PEBP4: variants seen among roughly 807,000 people sequenced by gnomAD.
PEBP4 encodes the protein phosphatidylethanolamine-binding protein 4.
A neutral mutation model predicts 23.9 loss-of-function variants in PEBP4; 22 were observed. The ratio of observed to expected loss-of-function variants is 0.92; its 90% confidence interval spans 0.66 to 1.31. PEBP4 has a LOEUF of 1.31. Among genes scored for constraint, PEBP4 ranks in the 40% most tolerant of loss-of-function variants. The probability of loss-of-function intolerance (pLI) is 0.00; values close to 1 mark genes in which losing one functional copy is unlikely to be tolerated. For synonymous variants in PEBP4, 112 were observed against 99.3 expected (o/e 1.13, Z -0.76); for missense variants, 324 against 281.7 (o/e 1.15, Z -1.07).
intron 4 of PEBP4, among the ~76,000 whole-genome samples, chr8:22,792,021 T>G (rs1806150217): frequency 7.1e-6 from 1 of 140,514 alleles, no homozygotes; most frequent in Non-Finnish European, 1.6e-5. Flanking sequence ...CACGCCTGGC[T>G]AAGAACTTTT....
intron 3 of PEBP4, among the ~76,000 whole-genome samples, chr8:22,919,644 C>T (rs1425207035): frequency 6.6e-6 from 1 of 152,200 alleles, no homozygotes; most frequent in Non-Finnish European, 1.5e-5. Flanking sequence ...TTTTACACAA[C>T]TTTGGGCAAA....
chr8:22,927,986 T>C, upstream of PEBP4: 1 of 420,734 alleles, frequency 2.4e-6, no homozygotes, highest in Admixed American at 4.2e-5. Flanking sequence ...ACAGCTTTGT[T>C]GTCACTCTTG....
rs149853494 is a variant in PEBP4 at position 22,913,741 on chromosome 8, C to G, written c.258+6443G>C. 7.1e-3 allele frequency among the ~76,000 whole-genome samples: 1,079 copies of G among 152,328 alleles called. 17 individuals carry two copies. The highest frequency in any genetic ancestry group is 0.025 in the African/African-American group (1,019 of 41,566). On this transcript the variant is annotated intron_variant, in intron 3 of 6. Transcript: ENST00000256404. The stretch of plus-strand genomic sequence containing the variant: ...GTTTATCACCTTGGAATGAGCATTT[C>G]CAGTCGACCCCTCAACCCCTCCTTC...
At chr8:22,753,547 G>A (rs999050524) in intron 4 of PEBP4, among the ~76,000 whole-genome samples, 1 of 152,194 alleles carries the variant, frequency 6.6e-6, no homozygotes, top group African/African-American at 2.4e-5. Flanking sequence ...GTTTCATGTG[G>A]ACACATGATG....
chr8:22,772,491 C>CTTTTTTTT lies in PEBP4; in HGVS notation c.357+45145_357+45146insAAAAAAAA, dbSNP rs1171525883. 6.4e-3 allele frequency among the ~76,000 whole-genome samples: 597 copies of CTTTTTTTT among 93,266 alleles called. 4 individuals carry two copies. The highest frequency in any genetic ancestry group is 0.012 in the Non-Finnish European group (503 of 43,524). 61.2% of individuals were successfully genotyped at this position (93,266 alleles called of 152,430 possible). A position where few individuals can be genotyped will look rare whatever the true frequency, so the allele number is the denominator to read the frequency against. On this transcript the variant is annotated intron_variant, in intron 4 of 6. Coordinates refer to ENST00000256404, the MANE Select transcript of PEBP4 (RefSeq NM_144962.3). Reference sequence around the variant, plus strand: ...CAGGGCAGGTATTCTCTCTCTCTCTCTCTTTTTTTTTTTTTTTTTTTTGAG... The same window carrying CTTTTTTTT: ...CAGGGCAGGTATTCTCTCTCTCTCTCTTTTTTTTTCTTTTTTTTTTTTTTTTTTTTGAG...
At chr8:22,784,660 TG>T in intron 4 of PEBP4, among the ~76,000 whole-genome samples, 1 of 152,106 alleles carries the variant, frequency 6.6e-6, no homozygotes, top group Non-Finnish European at 1.5e-5. Flanking sequence ...GCCGCCCGGG[TG>T]TTTGTAACCA....
At chr8:22,716,767 T>C (rs1340196676) in intron 6 of PEBP4, among the ~76,000 whole-genome samples, 1 of 152,180 alleles carries the variant, frequency 6.6e-6, no homozygotes, top group Non-Finnish European at 1.5e-5. Flanking sequence ...TTGCAGGACT[T>C]GGTAGAATGG....
chr8:22,767,530 C>T (rs1805633761), intron 4 of PEBP4, among the ~76,000 whole-genome samples: 1 of 152,194 alleles, frequency 6.6e-6, no homozygotes, highest in African/African-American at 2.4e-5. Context: ...CGATAGAATA[C>T]TATGATTGCA....
chr8:22,755,790 G>T (rs1314484491), intron 4 of PEBP4: 1 of 152,026 alleles, frequency 6.6e-6, no homozygotes, highest in Non-Finnish European at 1.5e-5. Flanking sequence ...CCCTATCCTG[G>T]GCATCTGGGG....
intron 4 of PEBP4, among the ~76,000 whole-genome samples, chr8:22,785,368 C>A (rs543644811): frequency 1.3e-5 from 2 of 152,308 alleles, no homozygotes; most frequent in Admixed American, 1.3e-4. Flanking sequence ...GCCCAAGTGC[C>A]CCTCTGCATT....
Position 22,737,492 on chromosome 8 carries a change from C to A in PEBP4, c.358-10272G>T, listed in dbSNP as rs1563199312. On this transcript the variant is annotated intron_variant, in intron 4 of 6. Transcript: ENST00000256404. ...TTACGTGAGTTAGTTCACTCAGATC[C>A]CCGCCCTCCAGGAAATTCCCCGCTA... 2.6e-5 allele frequency among the ~76,000 whole-genome samples: 4 copies of A among 152,098 alleles called. No individual in the cohort carries two copies. In the South Asian group the frequency reaches 8.3e-4, roughly 32 times the overall value.
chr8:22,902,737 C>T (rs1039382108), intron 3 of PEBP4, among the ~76,000 whole-genome samples: 1 of 152,210 alleles, frequency 6.6e-6, no homozygotes, highest in Admixed American at 6.5e-5. Context: ...AAGTTTCCAA[C>T]ATGTCACAGA....
chr8:22,837,871 C>T (rs1415611873), intron 3 of PEBP4, among the ~76,000 whole-genome samples: 3 of 133,112 alleles, frequency 2.3e-5, no homozygotes, highest in Non-Finnish European at 4.9e-5. Flanking sequence ...TTTGGCCTCT[C>T]TTATTAGATT....
At chr8:22,772,493 C>CTTTTT (rs34489811) in intron 4 of PEBP4, among the ~76,000 whole-genome samples, 11 of 121,594 alleles carry the variant, frequency 9.0e-5, no homozygotes, top group Non-Finnish European at 1.0e-4. Flanking sequence ...CTCTCTCTCT[C>CTTTTT]TTTTTTTTTT....
At chr8:22,912,048 GT>G (rs1808949460) in intron 3 of PEBP4, among the ~76,000 whole-genome samples, 1 of 152,092 alleles carries the variant, frequency 6.6e-6, no homozygotes, top group Non-Finnish European at 1.5e-5. Context: ...GGGGGGCGCT[GT>G]TTGATTAAAA....
chr8:22,864,571 G>A (rs777408593), intron 3 of PEBP4, among the ~76,000 whole-genome samples: 46 of 152,186 alleles, frequency 3.0e-4, no homozygotes, highest in Non-Finnish European at 5.7e-4. Context: ...GAGAAAGCTT[G>A]GGGGAGGGGT....
upstream of PEBP4, among the ~76,000 whole-genome samples, chr8:22,932,596 A>C (rs929738061): frequency 1.3e-5 from 2 of 152,172 alleles, no homozygotes; most frequent in African/African-American, 4.8e-5. Context: ...TCTGGAAAAC[A>C]GCCAAAGGTT....
At chr8:22,746,201 T>C (rs1339097999) in intron 4 of PEBP4, among the ~76,000 whole-genome samples, 1 of 152,138 alleles carries the variant, frequency 6.6e-6, no homozygotes, top group East Asian at 1.9e-4. Context: ...CTGTTAGATC[T>C]GCCCCAGGCC....
At chr8:22,762,495 AG>A (rs1805528524) in intron 4 of PEBP4, among the ~76,000 whole-genome samples, 1 of 152,162 alleles carries the variant, frequency 6.6e-6, no homozygotes. Flanking sequence ...GTTGAGAAAA[AG>A]CAAGGTCAAT....
Sources: gnomAD v4.1 joint callset for allele counts (sites outside exome capture counted in the v4.1 genomes callset) on GRCh38, gnomAD v4.1.1 for gene constraint, MANE v1.5 for transcripts, NCBI Gene and HGNC (gene_info 2026-07-23, HGNC 2026-07-21) for gene names.